The following GRID2 variants were observed in gnomAD, a reference collection of about 807,000 sequenced individuals.
GRID2 encodes the protein glutamate ionotropic receptor delta type subunit 2.
GRID2 carries 33 observed loss-of-function variants against 114.8 expected under a neutral mutation model. The ratio of observed to expected loss-of-function variants is 0.29; its 90% CI spans 0.22 to 0.38. GRID2 has a LOEUF of 0.38. Among genes scored for constraint, GRID2 ranks in the 10% least tolerant of loss-of-function variants. The probability of loss-of-function intolerance (pLI) is 1.00; values close to 1 mark genes in which losing one functional copy is unlikely to be tolerated. For missense variants in GRID2, 1,184 were observed against 1,257.7 expected (o/e 0.94, Z 0.89); for synonymous variants, 505 against 449.9 (o/e 1.12, Z -1.55).
intron 8 of GRID2, among the ~76,000 whole-genome samples, chr4:93,316,316 GAAAGAAAGAAAGAAA>G (rs1756619999): frequency 3.6e-5 from 5 of 137,964 alleles, no homozygotes; most frequent in African/African-American, 1.4e-4. Context: ...AAGAAAGAAA[GAAAGAAAGAAAGAAA>G]GAAAGAAAGA....
intron 2 of GRID2, among the ~76,000 whole-genome samples, chr4:92,664,921 G>T (rs72882166): frequency 1.4e-4 from 21 of 147,596 alleles, no homozygotes; most frequent in Non-Finnish European, 2.4e-4. Context: ...TCTGTCTTTG[G>T]ATCCAAAGTG....
intron 14 of GRID2, among the ~76,000 whole-genome samples, chr4:93,730,869 G>A (rs749759233): frequency 2.6e-5 from 4 of 152,214 alleles, no homozygotes; most frequent in Non-Finnish European, 5.9e-5. Flanking sequence ...ACTGGGGGTA[G>A]GAATGCAAAT....
intron 4 of GRID2, among the ~76,000 whole-genome samples, chr4:93,185,426 A>T (rs1219421262): frequency 6.6e-6 from 1 of 152,218 alleles, no homozygotes; most frequent in Non-Finnish European, 1.5e-5. Context: ...GGGATATCAC[A>T]GTTTTAATTG....
intron 1 of GRID2, among the ~76,000 whole-genome samples, chr4:93,783,207 T>C (rs1288167011): frequency 6.6e-6 from 1 of 152,250 alleles, no homozygotes; most frequent in Non-Finnish European, 1.5e-5. Flanking sequence ...CTAGGCACTA[T>C]GTAGGTGTTT....
chr4:92,378,589 A>G (rs1476645201), intron 1 of GRID2, among the ~76,000 whole-genome samples: 1 of 152,088 alleles, frequency 6.6e-6, no homozygotes, highest in African/African-American at 2.4e-5. Flanking sequence ...ACTATTCCCT[A>G]TCTTGAGCAC....
At chr4:92,896,575 G>A (rs564615782) in intron 2 of GRID2, among the ~76,000 whole-genome samples, 198 of 149,912 alleles carry the variant, frequency 1.3e-3, no homozygotes, top group Non-Finnish European at 2.0e-3. Flanking sequence ...TATATATATA[G>A]TCAATTGAAA....
At chr4:92,946,608 C>T (rs1189731915) in intron 2 of GRID2, among the ~76,000 whole-genome samples, 1 of 152,064 alleles carries the variant, frequency 6.6e-6, no homozygotes, top group African/African-American at 2.4e-5. Flanking sequence ...TATTACTCAG[C>T]AATATTGGCT....
At chr4:92,718,583 G>A (rs557540330) in intron 2 of GRID2, among the ~76,000 whole-genome samples, 2,421 of 151,992 alleles carry the variant, frequency 0.016, 28 homozygotes, top group Non-Finnish European at 0.023. Context: ...AGGCAACATA[G>A]AGAGACCCCG....
At chr4:92,648,046 C>T (rs1236084964) in intron 2 of GRID2, among the ~76,000 whole-genome samples, 1 of 149,710 alleles carries the variant, frequency 6.7e-6, no homozygotes, top group Non-Finnish European at 1.5e-5. Context: ...AAGTTTCACT[C>T]ATTGGGGACA....
intron 1 of GRID2, among the ~76,000 whole-genome samples, chr4:92,510,401 C>T (rs1419605182): frequency 6.6e-6 from 1 of 151,860 alleles, no homozygotes; most frequent in Non-Finnish European, 1.5e-5. Flanking sequence ...GAGTTTTCCA[C>T]ATAACCCTGA....
At chr4:92,458,643 T>C (rs920935658) in intron 1 of GRID2, among the ~76,000 whole-genome samples, 2 of 152,194 alleles carry the variant, frequency 1.3e-5, no homozygotes, top group Non-Finnish European at 2.9e-5. Context: ...CTGGGTTTCA[T>C]ATAGCAATCT....
chr4:92,900,627 G>A (rs1205326185), intron 2 of GRID2, among the ~76,000 whole-genome samples: 1 of 152,170 alleles, frequency 6.6e-6, no homozygotes. Flanking sequence ...TCAGGAGATC[G>A]AGACCATCCT....
intron 4 of GRID2, among the ~76,000 whole-genome samples, chr4:93,199,008 T>C (rs1316514603): frequency 2.6e-5 from 4 of 152,148 alleles, no homozygotes; most frequent in African/African-American, 9.7e-5. Context: ...CAAGGGTCAT[T>C]TAGCTATTAA....
At chr4:92,543,782 G>T (rs1726100323) in intron 1 of GRID2, among the ~76,000 whole-genome samples, 1 of 152,218 alleles carries the variant, frequency 6.6e-6, no homozygotes, top group East Asian at 1.9e-4. Flanking sequence ...AAATGACAGT[G>T]TCAAAATTCA....
chr4:93,345,558 G>A (rs553464224), intron 8 of GRID2, among the ~76,000 whole-genome samples: 6 of 151,890 alleles, frequency 4.0e-5, no homozygotes, highest in East Asian at 3.9e-4. Context: ...TAGTTTGTAC[G>A]GTTTGCAAGT....
intron 2 of GRID2, among the ~76,000 whole-genome samples, chr4:93,081,341 T>C (rs1729851234): frequency 6.6e-6 from 1 of 152,220 alleles, no homozygotes; most frequent in Non-Finnish European, 1.5e-5. Context: ...TTATTTTTAA[T>C]CTTGTTTTAC....
chr4:92,575,904 C>T (rs867933596), intron 1 of GRID2, among the ~76,000 whole-genome samples: 16 of 152,336 alleles, frequency 1.1e-4, no homozygotes, highest in South Asian at 2.1e-4. Context: ...GGCCAGAAGC[C>T]CTGGCTGGGA....
intron 8 of GRID2, among the ~76,000 whole-genome samples, chr4:93,320,911 A>G (rs940910030): frequency 1.3e-5 from 2 of 151,988 alleles, no homozygotes; most frequent in African/African-American, 4.8e-5. Flanking sequence ...AGACTCTGAG[A>G]TATATATTAA....
intron 2 of GRID2, among the ~76,000 whole-genome samples, chr4:92,591,965 C>T (rs561638947): frequency 1.3e-4 from 20 of 151,776 alleles, no homozygotes; most frequent in Non-Finnish European, 2.5e-4. Context: ...TCAGAATCAT[C>T]CCGACAATAT....
Sources: allele counts gnomAD v4.1 joint callset (sites outside exome capture counted in the v4.1 genomes callset), GRCh38; gene constraint gnomAD v4.1.1; transcripts MANE v1.5; gene names NCBI Gene and HGNC (gene_info 2026-07-23, HGNC 2026-07-21).